Variants in DNAH2 observed in about 807,000 individuals in gnomAD.
The protein encoded by DNAH2 is axonemal beta dynein heavy chain 2.
Under a neutral mutation model 523.5 loss-of-function variants are expected in DNAH2, and 323 were observed. The ratio of observed to expected loss-of-function variants is 0.62; its 90% CI spans 0.56 to 0.68. DNAH2 has a LOEUF of 0.68. DNAH2 is among the 30% of genes least tolerant of loss of function. The probability of loss-of-function intolerance (pLI) is 0.00; values close to 1 mark genes in which losing one functional copy is unlikely to be tolerated. For synonymous variants in DNAH2, 2,093 were observed against 2,177.4 expected (o/e 0.96, Z 1.08); for missense variants, 4,907 against 5,701.5 (o/e 0.86, Z 4.49).
chr17:7,755,542 A>C (rs1211391318), intron 12 of DNAH2, among the ~76,000 whole-genome samples: 3 of 152,122 alleles, frequency 2.0e-5, no homozygotes. Flanking sequence ...GGTTAACAGG[A>C]AGAAAAACCA....
chr17:7,764,243 T>G lies in DNAH2; in HGVS notation c.3306T>G (p.Leu1102=). Residue 1102 remains leucine (L), a synonymous_variant, in exon 20 of 86, where the codon CTT becomes CTG. Coordinates refer to ENST00000572933, the MANE Select transcript of DNAH2 (RefSeq NM_020877.5). The stretch of plus-strand genomic sequence containing the variant: ...CCATACACGAGCAATTTGCCATTCT[T>G]GAAAAGTACGAGGTGCCAGTCGAGG... ...IPPIHEQFAI[L]EKYEVPVEDS... is the part of the protein sequence containing the mutation. 1.9e-6 allele frequency: 3 copies of G among 1,612,888 alleles called. No homozygotes were observed. Among genetic ancestry groups the G allele is most frequent in the Non-Finnish European group, 2.5e-6 (3 of 1,179,324 alleles).
intron 13 of DNAH2, 97 bp downstream of exon 13, chr17:7,757,334 C>G (rs2075872594): frequency 6.9e-7 from 1 of 1,450,092 alleles, no homozygotes; most frequent in African/African-American, 1.4e-5. Context: ...TCTACAATTT[C>G]TGTCCTCTAC....
rs2075965111 is a variant in DNAH2, at chr17:7,760,175, C to T, written c.2785+237C>T. Among the ~76,000 whole-genome samples, 1 of 152,156 alleles carries T rather than the reference C, an allele frequency of 6.6e-6. No homozygotes were observed. Among genetic ancestry groups the T allele is most frequent in the Non-Finnish European group, 1.5e-5 (1 of 68,022 alleles). The stretch of plus-strand genomic sequence containing the variant: ...TTGAGGTCAGGAGTTCGAGACTAGC[C>T]TGGCCAACATGGCAAAACCCCATCT... On this transcript the variant is annotated intron_variant, in intron 17 of 85. Coordinates refer to ENST00000572933, the MANE Select transcript of DNAH2 (RefSeq NM_020877.5). The surrounding 1 kb of genome is among the most constrained non-coding windows in gnomAD (Gnocchi z 4.0).
chr17:7,781,196 C>T (rs755085819), intron 39 of DNAH2, 29 bp downstream of exon 39: 14 of 1,613,376 alleles, frequency 8.7e-6, no homozygotes, highest in South Asian at 3.3e-5. Context: ...TCTCCCTGAC[C>T]GGGTGCTGTG....
intron 4 of DNAH2, among the ~76,000 whole-genome samples, chr17:7,731,765 A>G (rs1294368260): frequency 1.3e-5 from 2 of 152,186 alleles, no homozygotes; most frequent in African/African-American, 4.8e-5. Context: ...ACAGTGGCTC[A>G]CGCCTATAAT....
At position 7,771,486 on chromosome 17, in the gene DNAH2, C is replaced by T. The variant is rs1255877606; in HGVS notation, c.4501+18C>T. ...TCACCCAGGTCAGAGCTCCAGGGCTCCTGCCCTGACACAGCCTCGGCAGGC... is the reference window on the plus strand; with the variant it reads ...TCACCCAGGTCAGAGCTCCAGGGCTTCTGCCCTGACACAGCCTCGGCAGGC... On this transcript the variant is annotated intron_variant, in intron 28 of 85. Transcript: ENST00000572933. 17 of 1,613,230 alleles carry T rather than the reference C, an allele frequency of 1.1e-5. No homozygotes were observed. The Admixed American group carries it at 1.3e-4, about 13-fold the overall frequency.
At position 7,791,984 on chromosome 17, in the gene DNAH2, G is replaced by A. The variant is rs369209229; in HGVS notation, c.6968G>A (p.Trp2323Ter). The A allele has an allele frequency of 1.9e-5, 31 of 1,613,922 alleles. No homozygotes were observed. The highest frequency in any genetic ancestry group is 5.3e-5 in the African/African-American group (4 of 74,868). The change falls in exon 45 of 86, where the codon TGG (tryptophan) becomes TAG (stop). Residue 2323 changes from tryptophan to a stop codon, truncating the protein, a stop_gained. Coordinates refer to ENST00000572933, the MANE Select transcript of DNAH2 (RefSeq NM_020877.5). LOFTEE classifies it high-confidence loss of function. ...ATGACATTTGTGTTCAGCATGATCT[G>A]GTCTGTGTGTGCCTCTGTGGATGAG... ...VEMTFVFSMI[W>*]SVCASVDEEG... is the part of the protein sequence containing the mutation.
chr17:7,732,168 C>T (rs2151134242), intron 4 of DNAH2, among the ~76,000 whole-genome samples: 1 of 151,826 alleles, frequency 6.6e-6, no homozygotes, highest in Non-Finnish European at 1.5e-5. Context: ...GGTATGGTGG[C>T]TCGCGCTTGT....
chr17:7,782,621 A>G (rs950245709), intron 39 of DNAH2, among the ~76,000 whole-genome samples: 4 of 152,200 alleles, frequency 2.6e-5, no homozygotes, highest in Admixed American at 6.5e-5. Context: ...AATGGGAGCC[A>G]GAAGAACAAC....
At position 7,828,011 on chromosome 17, in the gene DNAH2, T is replaced by C. The variant is rs2078068277; in HGVS notation, c.11854-2289T>C. 6.6e-6 allele frequency among the ~76,000 whole-genome samples: 1 copy of C among 152,106 alleles called. No homozygotes were observed. Among genetic ancestry groups the C allele is most frequent in the Admixed American group, 6.5e-5 (1 of 15,274 alleles). ...GTGCACTGGCACCATCTTGGCTCACTGCAACCTCTGCCTCCCAGGCTCTAG... is the reference window on the plus strand; with the variant it reads ...GTGCACTGGCACCATCTTGGCTCACCGCAACCTCTGCCTCCCAGGCTCTAG... On this transcript the variant is annotated intron_variant, in intron 77 of 85. Coordinates refer to ENST00000572933, the MANE Select transcript of DNAH2 (RefSeq NM_020877.5). The surrounding 1 kb of genome is among the most constrained non-coding windows in gnomAD (Gnocchi z 4.1).
chr17:7,798,235 G>T lies in DNAH2; in HGVS notation c.8309G>T (p.Ser2770Ile). The change falls in exon 54 of 86, where the codon AGT becomes ATT. Residue 2770 changes from serine (S) to isoleucine (I), a missense_variant. Ser to Ile is a moderately radical substitution (Grantham distance 142, BLOSUM62 -2). Transcript: ENST00000572933. This position sits in a 1 kb window ranked among gnomAD's most constrained non-coding sequence, Gnocchi z 5.5. ...GGTATCGGGGGCAGCGGACGCCAGA[G>T]TCTGGCCCGCCTGGCTTCATCCATC... is the stretch of plus-strand genomic sequence containing the variant. ...LVGIGGSGRQSLARLASSICD... is the reference protein window; with the variant it reads ...LVGIGGSGRQILARLASSICD... 2.5e-6 allele frequency: 4 copies of T among 1,613,932 alleles called. No individual in the cohort carries two copies. The highest frequency in any genetic ancestry group is 3.4e-6 in the Non-Finnish European group (4 of 1,179,834).
rs1268257602 is a variant in DNAH2 at position 7,817,775 on chromosome 17, G to C, written c.10170-15G>C. On this transcript the variant is annotated splice_polypyrimidine_tract_variant and intron_variant, in intron 66 of 85. Coordinates refer to ENST00000572933, the MANE Select transcript of DNAH2 (RefSeq NM_020877.5). Reference sequence around the variant, plus strand: ...GGAGAGAGGGCCTCACCTCTGACCTGTACTCCCCTTCCAGGTGGGCACTGA... The same window carrying C: ...GGAGAGAGGGCCTCACCTCTGACCTCTACTCCCCTTCCAGGTGGGCACTGA... The C allele has an allele frequency of 6.2e-7, 1 of 1,614,080 alleles. No individual in the cohort carries two copies. Among genetic ancestry groups the C allele is most frequent in the Non-Finnish European group, 8.5e-7 (1 of 1,180,010 alleles).
At chr17:7,752,493 G>A (rs375607514) in intron 12 of DNAH2, among the ~76,000 whole-genome samples, 3 of 152,154 alleles carry the variant, frequency 2.0e-5, no homozygotes, top group Non-Finnish European at 2.9e-5. Flanking sequence ...GGCGGATCAC[G>A]AGGTCAGGAG....
At position 7,817,549 on chromosome 17, in the gene DNAH2, T is replaced by A. The variant is rs1306641932; in HGVS notation, c.10021-12T>A. On this transcript the variant is annotated splice_polypyrimidine_tract_variant and intron_variant, in intron 65 of 85. Coordinates refer to ENST00000572933, the MANE Select transcript of DNAH2 (RefSeq NM_020877.5). Reference sequence around the variant, plus strand: ...CTCTTCAAGTTAAAGCATGGGGCTTTTCTCTCCCCAGATCTGGGAGCTTCA... The same window carrying A: ...CTCTTCAAGTTAAAGCATGGGGCTTATCTCTCCCCAGATCTGGGAGCTTCA... The A allele has an allele frequency of 2.5e-6, 4 of 1,613,948 alleles. No homozygotes were observed. The East Asian group carries it at 8.9e-5, about 36-fold the overall frequency.
In DNAH2 at chr17:7,794,349, C is replaced by A. The variant is rs1475515458; in HGVS notation, c.7665C>A (p.Thr2555=). 1.9e-6 allele frequency: 3 copies of A among 1,609,336 alleles called. No homozygotes were observed. The highest frequency in any genetic ancestry group is 2.5e-6 in the Non-Finnish European group (3 of 1,178,028). ...LRSRFNIINM[T]FPTKSQIIRI... The stretch of plus-strand genomic sequence containing the variant: ...GTCGCTTCAACATTATCAACATGAC[C>A]TTCCCCACAGTGAGGACCTCATGGG... The change falls in exon 49 of 86, where the codon ACC becomes ACA. Residue 2555 remains threonine, a synonymous_variant. Coordinates refer to ENST00000572933, the MANE Select transcript of DNAH2 (RefSeq NM_020877.5).
Position 7,780,123 on chromosome 17 carries a change from T to C in DNAH2, c.5723-34T>C. 3.2e-6 allele frequency: 5 copies of C among 1,585,950 alleles called. No individual in the cohort carries two copies. The highest frequency in any genetic ancestry group is 4.3e-6 in the Non-Finnish European group (5 of 1,165,702). ...GGGGAAGCAAATCAAGATGAGGAAA[T>C]ATATGATTCTAAGCAAGTGGCATTG... On this transcript the variant is annotated intron_variant, in intron 36 of 85. Transcript: ENST00000572933. This position sits in a 1 kb window ranked among gnomAD's most constrained non-coding sequence, Gnocchi z 4.4.
Position 7,776,021 on chromosome 17 carries a change from C to A in DNAH2, c.4822-3C>A, listed in dbSNP as rs374946191. 14 of 1,613,662 alleles carry A rather than the reference C, an allele frequency of 8.7e-6. No homozygotes were observed. The highest frequency in any genetic ancestry group is 5.3e-5 in the African/African-American group (4 of 74,922). ...GCTGCCCTATTCTCCCACCTCCCCCCAGTCCTGGCTTGGCGATGTGGAACA... is the reference window on the plus strand; with the variant it reads ...GCTGCCCTATTCTCCCACCTCCCCCAAGTCCTGGCTTGGCGATGTGGAACA... On this transcript the variant is annotated splice_polypyrimidine_tract_variant and splice_region_variant and intron_variant, in intron 30 of 85. Transcript: ENST00000572933.
At position 7,743,637 on chromosome 17, in the gene DNAH2, GCC is replaced by G. The variant is rs1342763359; in HGVS notation, c.1904+496_1904+497del. On this transcript the variant is annotated intron_variant, in intron 12 of 85. Coordinates refer to ENST00000572933, the MANE Select transcript of DNAH2 (RefSeq NM_020877.5). ...GCTGAGATCACACCACTACACTCCA[GCC>G]TGGGCGACAGAGTGACCCTGCCTCA... 2.8e-4 allele frequency: 117 copies of G among 415,152 alleles called. 1 individual carries two copies. The highest frequency in any genetic ancestry group is 8.6e-5 in the Non-Finnish European group (20 of 233,476). The allele number at this position is 415,152 out of a possible 1,614,324, so 25.7% of individuals were successfully genotyped here. A position where few individuals can be genotyped will look rare whatever the true frequency, so the allele number is the denominator to read the frequency against.
rs554323687 is a variant in DNAH2, at chr17:7,818,636, C to T, written c.10537-7C>T. On this transcript the variant is annotated splice_polypyrimidine_tract_variant and splice_region_variant and intron_variant, in intron 69 of 85. Transcript: ENST00000572933. Reference sequence around the variant, plus strand: ...CAGCCCCTCACTGTGAGTCCTGATGCCCCCAGGGCCTGGAGGCCCAGCTGC... The same window carrying T: ...CAGCCCCTCACTGTGAGTCCTGATGTCCCCAGGGCCTGGAGGCCCAGCTGC... 6.8e-6 allele frequency: 11 copies of T among 1,613,528 alleles called. No homozygotes were observed. Among genetic ancestry groups the T allele is most frequent in the Non-Finnish European group, 9.3e-6 (11 of 1,179,878 alleles).
Sources: gnomAD v4.1 joint callset for allele counts (sites outside exome capture counted in the v4.1 genomes callset) on GRCh38, gnomAD v4.1.1 for gene constraint, Gnocchi (gnomAD v3.1) non-coding constraint, MANE v1.5 for transcripts, NCBI Gene and HGNC (gene_info 2026-07-23, HGNC 2026-07-21) for gene names.